Variants in SHISA9 observed in about 807,000 individuals in gnomAD.
The protein encoded by SHISA9 is shisa family member 9.
Under a neutral mutation model 38.0 loss-of-function variants are expected in SHISA9, and 13 were observed. That is an observed-to-expected ratio of 0.34 (90% CI 0.22 to 0.54). The LOEUF is 0.54. SHISA9 is among the 20% of genes least tolerant of loss of function. The probability of loss-of-function intolerance (pLI) is 0.91; values close to 1 mark genes in which losing one functional copy is unlikely to be tolerated. For synonymous variants in SHISA9, 275 were observed against 242.0 expected, an observed-to-expected ratio of 1.14 and a Z score of -1.27; for missense variants, 538 against 575.8, an observed-to-expected ratio of 0.93 and a Z score of 0.67.
chr16:13,318,945 C>T, the SHISA9 span, among the ~76,000 whole-genome samples: 1 of 152,260 alleles, frequency 6.6e-6, no homozygotes, highest in African/African-American at 2.4e-5. Flanking sequence ...AGTGTACCTT[C>T]TCAGTCTTTT....
chr16:13,145,550 G>T (rs2050440133), intron 2 of SHISA9, among the ~76,000 whole-genome samples: 1 of 152,076 alleles, frequency 6.6e-6, no homozygotes, highest in Non-Finnish European at 1.5e-5. Flanking sequence ...AACAAAAAAA[G>T]GTAGTTGTGT....
At chr16:13,060,460 C>T (rs756924338) in intron 2 of SHISA9, among the ~76,000 whole-genome samples, 17 of 151,978 alleles carry the variant, frequency 1.1e-4, no homozygotes, top group Non-Finnish European at 2.4e-4. Context: ...GAACGGATCA[C>T]AGAGGGTGAT....
the SHISA9 span, among the ~76,000 whole-genome samples, chr16:13,261,044 C>G: frequency 1.3e-5 from 2 of 152,178 alleles, no homozygotes; most frequent in South Asian, 4.2e-4. Context: ...ACAAGAATAG[C>G]AAGGGAAGAA....
intron 3 of SHISA9, among the ~76,000 whole-genome samples, chr16:13,204,525 C>T (rs900105903): frequency 6.6e-6 from 1 of 152,170 alleles, no homozygotes; most frequent in Non-Finnish European, 1.5e-5. Context: ...CCAGAAATGC[C>T]TTATACTTTA....
At chr16:12,961,600 CAG>C (rs761249647) in intron 2 of SHISA9, among the ~76,000 whole-genome samples, 2 of 152,048 alleles carry the variant, frequency 1.3e-5, no homozygotes, top group Non-Finnish European at 2.9e-5. Flanking sequence ...AGGAAGAGAA[CAG>C]AGTTTTTCAG....
intron 2 of SHISA9, among the ~76,000 whole-genome samples, chr16:13,127,961 C>A (rs1041534035): frequency 2.0e-5 from 3 of 152,154 alleles, no homozygotes; most frequent in Non-Finnish European, 2.9e-5. Context: ...TTGTTCAATT[C>A]TTTTATTAGA....
the SHISA9 span, among the ~76,000 whole-genome samples, chr16:13,422,289 A>AT: frequency 1.3e-5 from 2 of 152,118 alleles, no homozygotes; most frequent in South Asian, 2.1e-4. Context: ...AAGTGTCAGG[A>AT]TTTTTTTTTA....
At chr16:13,449,952 T>TA in the SHISA9 span, among the ~76,000 whole-genome samples, 1 of 151,972 alleles carries the variant, frequency 6.6e-6, no homozygotes, top group African/African-American at 2.4e-5. Context: ...CTGTCTCTAC[T>TA]AAAAATACAA....
chr16:13,027,933 C>CAAAAA (rs1240201539), intron 2 of SHISA9, among the ~76,000 whole-genome samples: 21 of 103,702 alleles, frequency 2.0e-4, no homozygotes, highest in African/African-American at 3.6e-4. Context: ...GTCTCAAAAA[C>CAAAAA]AAAAAAAAAA....
At chr16:13,048,507 C>T (rs1490685217) in intron 2 of SHISA9, among the ~76,000 whole-genome samples, 1 of 152,176 alleles carries the variant, frequency 6.6e-6, no homozygotes, top group East Asian at 1.9e-4. Context: ...CTGCAACCTC[C>T]ACCTCCCAGG....
At chr16:13,493,917 A>G in the SHISA9 span, among the ~76,000 whole-genome samples, 1 of 151,608 alleles carries the variant, frequency 6.6e-6, no homozygotes, top group African/African-American at 2.4e-5. Context: ...TAGATCCCAG[A>G]GGAAAGTTCC....
chr16:12,923,117 T>C (rs2071348359), intron 2 of SHISA9, among the ~76,000 whole-genome samples: 1 of 152,108 alleles, frequency 6.6e-6, no homozygotes, highest in African/African-American at 2.4e-5. Context: ...GTCCAATGAA[T>C]AAAAAAGCCC....
chr16:13,097,931 A>C (rs2073843383), intron 2 of SHISA9, among the ~76,000 whole-genome samples: 1 of 152,234 alleles, frequency 6.6e-6, no homozygotes, highest in African/African-American at 2.4e-5. Flanking sequence ...TAGTAGTACT[A>C]ATTCTAGCCC....
At chr16:13,003,362 C>T (rs534743098) in intron 2 of SHISA9, among the ~76,000 whole-genome samples, 8 of 152,190 alleles carry the variant, frequency 5.3e-5, no homozygotes, top group Non-Finnish European at 1.0e-4. Flanking sequence ...GATCTCTCTG[C>T]CCTCGGAGAC....
chr16:13,429,947 G>C, the SHISA9 span, among the ~76,000 whole-genome samples: 1 of 152,166 alleles, frequency 6.6e-6, no homozygotes, highest in Non-Finnish European at 1.5e-5. Flanking sequence ...TTAGGAGATT[G>C]AGTCTTAAAA....
At chr16:12,933,449 T>C (rs1279600003) in intron 2 of SHISA9, among the ~76,000 whole-genome samples, 1 of 152,080 alleles carries the variant, frequency 6.6e-6, no homozygotes, top group Non-Finnish European at 1.5e-5. Context: ...TGCATGCCAC[T>C]GTGCCTGGCT....
chr16:13,526,444 C>T, the SHISA9 span, among the ~76,000 whole-genome samples: 9 of 152,250 alleles, frequency 5.9e-5, no homozygotes, highest in East Asian at 1.9e-4. Context: ...AGTGCAGTGG[C>T]GTGATCTCAG....
intron 2 of SHISA9, among the ~76,000 whole-genome samples, chr16:13,138,666 A>C (rs1439340676): frequency 1.3e-5 from 2 of 152,220 alleles, no homozygotes; most frequent in Non-Finnish European, 1.5e-5. Context: ...TGGATGTCTC[A>C]CAAGGGGAGT....
chr16:13,213,192 A>T (rs2051136506), intron 3 of SHISA9, 61 bp from the exon 4 acceptor site: 1 of 1,464,344 alleles, frequency 6.8e-7, no homozygotes, highest in African/African-American at 1.4e-5. Context: ...GTGTGAGGGC[A>T]TAGTGAACAT....
Sources: gnomAD v4.1 joint callset for allele counts (sites outside exome capture counted in the v4.1 genomes callset) on GRCh38, gnomAD v4.1.1 for gene constraint, MANE v1.5 for transcripts, NCBI Gene and HGNC (gene_info 2026-07-23, HGNC 2026-07-21) for gene names.